Variants in EPHA5 observed in about 807,000 individuals in gnomAD.
EPHA5 encodes ephrin type-A receptor 5.
A neutral mutation model predicts 105.0 loss-of-function variants in EPHA5; 60 were observed. That is an observed-to-expected ratio of 0.57 (90% CI 0.46 to 0.71). The LOEUF (loss-of-function observed/expected upper bound fraction) is 0.71, where lower values mean the gene tolerates loss of function less well. Among genes scored for constraint, EPHA5 ranks in the 30% least tolerant of loss-of-function variants. The pLI is 0.00. For missense variants in EPHA5, 1,218 were observed against 1,274.7 expected, an observed-to-expected ratio of 0.96 and a Z score of 0.68; for synonymous variants, 513 against 449.1, an observed-to-expected ratio of 1.14 and a Z score of -1.80.
In EPHA5 at chr4:65,662,576, A is replaced by C. The variant is rs73227796; in HGVS notation, c.181+6986T>G. ...GATCTTACAGAGAAATAGAAGGAAA[A>C]AACAACAACAACAACAAATGTATGA... On this transcript the variant is annotated intron_variant, in intron 1 of 16. Transcript: ENST00000613740. Among the ~76,000 whole-genome samples the C allele has an allele frequency of 7.2e-3, 1,096 of 152,222 alleles. 6 individuals carry two copies. The highest frequency in any genetic ancestry group is 0.025 in the African/African-American group (1,025 of 41,538).
chr4:65,652,266 C>A (rs1748678264), intron 1 of EPHA5, among the ~76,000 whole-genome samples: 2 of 152,096 alleles, frequency 1.3e-5, no homozygotes, highest in Admixed American at 6.6e-5. Context: ...TGCTTCATTG[C>A]ATAGAGAATA....
At chr4:65,566,678 G>C (rs913749853) in intron 3 of EPHA5, among the ~76,000 whole-genome samples, 2 of 151,704 alleles carry the variant, frequency 1.3e-5, no homozygotes, top group African/African-American at 4.8e-5. Context: ...AACATCTGCT[G>C]GTTAGCAATG....
chr4:65,556,240 C>A (rs1738428105), intron 3 of EPHA5, among the ~76,000 whole-genome samples: 1 of 152,084 alleles, frequency 6.6e-6, no homozygotes, highest in Non-Finnish European at 1.5e-5. Context: ...TTAAATGGTA[C>A]AGCCTCAAGA....
At chr4:65,365,269 C>G (rs1477723507) in intron 10 of EPHA5, 67 bp from the exon 11 acceptor site, 3 of 1,248,970 alleles carry the variant, frequency 2.4e-6, no homozygotes, top group Non-Finnish European at 2.3e-6. Flanking sequence ...CACTTGTATG[C>G]CCTCTTAGAC....
At chr4:65,630,441 T>C (rs764385730) in intron 2 of EPHA5, among the ~76,000 whole-genome samples, 6 of 152,100 alleles carry the variant, frequency 3.9e-5, no homozygotes, top group African/African-American at 9.7e-5. Context: ...GGCCAGTGCA[T>C]GTGGACAGCC....
At chr4:65,391,318 G>A (rs1283086975) in intron 8 of EPHA5, among the ~76,000 whole-genome samples, 2 of 152,072 alleles carry the variant, frequency 1.3e-5, no homozygotes, top group African/African-American at 4.8e-5. Context: ...TACAAAGTCA[G>A]TCCTTCCAAA....
At chr4:65,572,005 A>T (rs1009941591) in intron 3 of EPHA5, among the ~76,000 whole-genome samples, 2 of 152,022 alleles carry the variant, frequency 1.3e-5, no homozygotes, top group African/African-American at 4.8e-5. Flanking sequence ...CTTCCTAATT[A>T]TTTTTAAATA....
At chr4:65,531,336 CT>C (rs531175637) in intron 3 of EPHA5, among the ~76,000 whole-genome samples, 1 of 151,982 alleles carries the variant, frequency 6.6e-6, no homozygotes, top group South Asian at 2.1e-4. Context: ...CGCGCCCGGC[CT>C]TTTTTTTCAT....
intron 3 of EPHA5, among the ~76,000 whole-genome samples, chr4:65,513,929 C>T (rs183833170): frequency 4.6e-5 from 7 of 152,210 alleles, no homozygotes; most frequent in African/African-American, 1.7e-4. Flanking sequence ...GTTTTTGAAT[C>T]CACCTGTCTC....
At position 65,348,810 on chromosome 4, in the gene EPHA5, TATATA is replaced by T. The variant is rs1273621587; in HGVS notation, c.2446-612_2446-608del. Among the ~76,000 whole-genome samples, 324 of 65,642 alleles carry T rather than the reference TATATA, an allele frequency of 4.9e-3. 37 individuals are homozygous for T. Among genetic ancestry groups the T allele is most frequent in the African/African-American group, 0.017 (304 of 18,212 alleles). The allele number at this position is 65,642 out of a possible 152,430, so 43.1% of individuals were successfully genotyped here. A position where few individuals can be genotyped will look rare whatever the true frequency, so the allele number is the denominator to read the frequency against. ...GTGTGTGTGTATATATATATATATA[TATATA>T]TTTTTTTTTTTTTTTTTTGAGACAG... On this transcript the variant is annotated intron_variant, in intron 13 of 16. Coordinates refer to ENST00000613740, the MANE Select transcript of EPHA5 (RefSeq NM_001281766.3).
chr4:65,598,533 C>G (rs1743398086), intron 3 of EPHA5, among the ~76,000 whole-genome samples: 1 of 152,110 alleles, frequency 6.6e-6, no homozygotes, highest in Non-Finnish European at 1.5e-5. Context: ...CTCCTGCCAT[C>G]AAGGTGTATG....
chr4:65,406,713 C>T (rs1019506749), intron 7 of EPHA5, among the ~76,000 whole-genome samples: 7 of 152,142 alleles, frequency 4.6e-5, no homozygotes, highest in Middle Eastern at 6.8e-3. Context: ...TCCAAAGAAT[C>T]CTTTCATTTT....
chr4:65,463,294 C>A (rs1257854327), intron 5 of EPHA5, among the ~76,000 whole-genome samples: 1 of 152,058 alleles, frequency 6.6e-6, no homozygotes, highest in East Asian at 1.9e-4. Context: ...AAGGTAAAAT[C>A]TTATGAAGTA....
rs899121847 is a variant in EPHA5, at chr4:65,670,416, T to C, written c.-674A>G. ...CAGGAGCTGCTGCGGTTCCCGCTGC[T>C]CGGGGAGCAGGCGGTGTGTGCGCGG... On this transcript the variant is annotated 5_prime_UTR_variant, in exon 1 of 17. Transcript: ENST00000613740. The C allele has an allele frequency of 2.6e-5, 6 of 233,448 alleles. No homozygotes were observed. The Admixed American group carries it at 2.8e-4, about 11-fold the overall frequency. The allele number at this position is 233,448 out of a possible 1,614,324, so 14.5% of individuals were successfully genotyped here.
Position 65,321,006 on chromosome 4 carries a change from T to A in EPHA5, c.*3108A>T, listed in dbSNP as rs985157999. 3.0e-5 allele frequency: 7 copies of A among 230,268 alleles called. No homozygotes were observed. The highest frequency in any genetic ancestry group is 1.1e-4 in the Admixed American group (2 of 17,588). 14.3% of individuals were successfully genotyped at this position (230,268 alleles called of 1,614,324 possible). ...TCTTTACATCTTTACATAGAAATAGTACATTATGAAAAGAGCAACTGGTTA... is the reference window on the plus strand; with the variant it reads ...TCTTTACATCTTTACATAGAAATAGAACATTATGAAAAGAGCAACTGGTTA... On this transcript the variant is annotated 3_prime_UTR_variant, in exon 17 of 17. Transcript: ENST00000613740.
intron 2 of EPHA5, among the ~76,000 whole-genome samples, chr4:65,626,859 A>T (rs1746204122): frequency 6.6e-6 from 1 of 152,230 alleles, no homozygotes. Flanking sequence ...TAAATAAATT[A>T]TTTAGTTTCT....
intron 3 of EPHA5, among the ~76,000 whole-genome samples, chr4:65,562,382 AAAATG>A (rs1739099853): frequency 6.6e-6 from 1 of 152,108 alleles, no homozygotes; most frequent in Non-Finnish European, 1.5e-5. Flanking sequence ...AGGGTTCTCC[AAAATG>A]ACCATAAATA....
intron 3 of EPHA5, among the ~76,000 whole-genome samples, chr4:65,562,910 A>C (rs1739165757): frequency 6.6e-6 from 1 of 152,076 alleles, no homozygotes; most frequent in Admixed American, 6.6e-5. Context: ...CCAGGAGTTC[A>C]AGGCTGCAAT....
rs1463589389 is a variant in EPHA5 at position 65,323,825 on chromosome 4, A to C, written c.*289T>G. The C allele has an allele frequency of 3.8e-6, 1 of 262,820 alleles. No individual in the cohort carries two copies. The highest frequency in any genetic ancestry group is 7.3e-6 in the Non-Finnish European group (1 of 137,258). The allele number at this position is 262,820 out of a possible 1,614,324, so 16.3% of individuals were successfully genotyped here. ...ATATAATTATATATTTCATGTACAA[A>C]ATTTTGTAGAAGTAGTGGGAAGGAT... On this transcript the variant is annotated 3_prime_UTR_variant, in exon 17 of 17. Transcript: ENST00000613740.
Sources: gnomAD v4.1 joint callset for allele counts (sites outside exome capture counted in the v4.1 genomes callset) on GRCh38, gnomAD v4.1.1 for gene constraint, MANE v1.5 for transcripts, NCBI Gene and HGNC (gene_info 2026-07-23, HGNC 2026-07-21) for gene names.